The following XRN1 variants were observed in gnomAD, a reference collection of about 807,000 sequenced individuals.
The protein encoded by XRN1 is 5'-3' exoribonuclease 1, also known as strand-exchange protein 1 homolog.
XRN1 carries 67 observed loss-of-function variants against 222.3 expected under a neutral mutation model. The observed-to-expected ratio is 0.30, with a 90% CI of 0.25 to 0.37. The LOEUF (loss-of-function observed/expected upper bound fraction) is 0.37. Among genes scored for constraint, XRN1 ranks in the 10% least tolerant of loss-of-function variants. The pLI, the probability that XRN1 is intolerant of heterozygous loss-of-function variation, is 1.00. For missense variants in XRN1, 1,707 were observed against 2,000.2 expected, an observed-to-expected ratio of 0.85 and a Z score of 2.80; for synonymous variants, 643 against 652.4, an observed-to-expected ratio of 0.99 and a Z score of 0.22.
intron 20 of XRN1, among the ~76,000 whole-genome samples, chr3:142,390,438 A>C (rs2067672598): frequency 6.6e-6 from 1 of 152,196 alleles, no homozygotes; most frequent in Non-Finnish European, 1.5e-5. Flanking sequence ...CTCACACTTT[A>C]TATTATGAAG....
rs1396241489 is a variant in XRN1 at position 142,308,410 on chromosome 3, T to C, written c.*3101A>G. 1 of 152,206 alleles carries C rather than the reference T, an allele frequency of 6.6e-6. No homozygotes were observed. Among genetic ancestry groups the C allele is most frequent in the African/African-American group, 2.4e-5 (1 of 41,456 alleles). 9.4% of individuals were successfully genotyped at this position (152,206 alleles called of 1,614,324 possible). On this transcript the variant is annotated 3_prime_UTR_variant, in exon 41 of 41. Transcript: ENST00000392981. ...ACAATAAAAAAACTTGCATCAATAG[T>C]TCTTCATTCCTCCACCAATCGGGAA...
At position 142,324,429 on chromosome 3, in the gene XRN1, C is replaced by A. The variant is rs573854946; in HGVS notation, c.4404+5005G>T. Among the ~76,000 whole-genome samples, 417 of 152,142 alleles carry A rather than the reference C, an allele frequency of 2.7e-3. 1 individual carries two copies. The highest frequency in any genetic ancestry group is 4.7e-3 in the Non-Finnish European group (319 of 67,996). ...GTCCCTACAAAGGACATGAACTCAT[C>A]ATTTTTTATGGCTGCATAGTATTCC... On this transcript the variant is annotated intron_variant, in intron 37 of 40. Coordinates refer to ENST00000392981, the MANE Select transcript of XRN1 (RefSeq NM_001282857.2).
At chr3:142,410,178 T>C (rs941169335) in intron 15 of XRN1, among the ~76,000 whole-genome samples, 2 of 152,242 alleles carry the variant, frequency 1.3e-5, no homozygotes, top group African/African-American at 4.8e-5. Flanking sequence ...TCTTGTCCTA[T>C]TCTTGACTTT....
rs556424289 is a variant in XRN1, at chr3:142,417,324, T to C, written c.1347-95A>G. ...TGCTGATACAACATTTTACCTCAGA[T>C]GATTTATTTAATCAATGAATTAGCT... On this transcript the variant is annotated intron_variant, in intron 12 of 40. Coordinates refer to ENST00000392981, the MANE Select transcript of XRN1 (RefSeq NM_001282857.2). 3.2e-6 allele frequency: 3 copies of C among 950,180 alleles called. No homozygotes were observed. The East Asian group carries it at 7.9e-5, about 25-fold the overall frequency. 58.9% of individuals were successfully genotyped at this position (950,180 alleles called of 1,614,324 possible).
At chr3:142,346,698 C>G (rs1384540501) in intron 33 of XRN1, among the ~76,000 whole-genome samples, 2 of 152,244 alleles carry the variant, frequency 1.3e-5, no homozygotes, top group African/African-American at 4.8e-5. Context: ...CCAGGCTGGT[C>G]TTGAACTCCT....
Position 142,404,023 on chromosome 3 carries a change from TAATAC to T in XRN1, c.1884-39_1884-35del, listed in dbSNP as rs1421072789. On this transcript the variant is annotated intron_variant, in intron 16 of 40. Coordinates refer to ENST00000392981, the MANE Select transcript of XRN1 (RefSeq NM_001282857.2). ...TAAATCAAGGCATTTAATTTAAAAT[TAATAC>T]ATTACAAACAATTACAGTTTTTTAA... The T allele has an allele frequency of 3.0e-5, 45 of 1,491,854 alleles. No homozygotes were observed. The Admixed American group carries it at 7.7e-4, about 26-fold the overall frequency. The allele number at this position is 1,491,854 out of a possible 1,614,324, so 92.4% of individuals were successfully genotyped here.
At chr3:142,369,833 G>A (rs1372950289) in intron 27 of XRN1, among the ~76,000 whole-genome samples, 2 of 151,664 alleles carry the variant, frequency 1.3e-5, no homozygotes, top group Non-Finnish European at 2.9e-5. Flanking sequence ...ATCACCTGAG[G>A]TCAGGAGTTC....
At position 142,414,964 on chromosome 3, in the gene XRN1, T is replaced by C. The variant is rs527732875; in HGVS notation, c.1437-673A>G. Among the ~76,000 whole-genome samples the C allele has an allele frequency of 1.3e-5, 2 of 152,308 alleles. 1 individual carries two copies. Among genetic ancestry groups the C allele is most frequent in the South Asian group, 4.1e-4 (2 of 4,830 alleles). On this transcript the variant is annotated intron_variant, in intron 13 of 40. Coordinates refer to ENST00000392981, the MANE Select transcript of XRN1 (RefSeq NM_001282857.2). The stretch of plus-strand genomic sequence containing the variant: ...AATGAGGTAGTCAGAAGACTTTCAG[T>C]TTGGTCACTTGAGCCTGGATCATTT...
At chr3:142,352,289 G>C (rs1433708575) in intron 32 of XRN1, among the ~76,000 whole-genome samples, 1 of 152,214 alleles carries the variant, frequency 6.6e-6, no homozygotes, top group African/African-American at 2.4e-5. Context: ...ATACCCTGAA[G>C]CAGTGTGGTG....
Position 142,425,306 on chromosome 3 carries a change from G to T in XRN1, c.543C>A (p.Ile181=), listed in dbSNP as rs1211927470. ...HETPGEGEHK[I]MEFIRSEKAK... ...CTTTCTCGGATCTGATAAATTCCAT[G>T]ATTTTATGCTCTCCTTCTCCAGGAG... Residue 181 remains isoleucine, a synonymous_variant, in exon 5 of 41, where the codon ATC becomes ATA. Coordinates refer to ENST00000392981, the MANE Select transcript of XRN1 (RefSeq NM_001282857.2). 5.0e-6 allele frequency: 8 copies of T among 1,607,500 alleles called. No individual in the cohort carries two copies. The highest frequency in any genetic ancestry group is 6.8e-6 in the Non-Finnish European group (8 of 1,176,892).
At chr3:142,329,868 T>C (rs1188736491) in intron 36 of XRN1, among the ~76,000 whole-genome samples, 1 of 152,144 alleles carries the variant, frequency 6.6e-6, no homozygotes, top group Non-Finnish European at 1.5e-5. Flanking sequence ...GCCACGCACC[T>C]TATAAATTTG....
intron 34 of XRN1, among the ~76,000 whole-genome samples, chr3:142,333,586 A>C (rs916978049): frequency 6.6e-6 from 1 of 152,186 alleles, no homozygotes. Context: ...CAAAACACTT[A>C]TATGGTCTGC....
At chr3:142,393,426 C>A (rs2067811101) in intron 20 of XRN1, among the ~76,000 whole-genome samples, 1 of 144,284 alleles carries the variant, frequency 6.9e-6, no homozygotes, top group African/African-American at 2.6e-5. Context: ...ATGGTAATGC[C>A]TAGGTTTTCT....
At chr3:142,398,395 C>A (rs2068010870) in intron 19 of XRN1, among the ~76,000 whole-genome samples, 1 of 147,846 alleles carries the variant, frequency 6.8e-6, no homozygotes, top group Non-Finnish European at 1.5e-5. Flanking sequence ...GAGATGGGGT[C>A]TCATTCTGTC....
At chr3:142,425,648 T>G in intron 3 of XRN1, 110 bp from the exon 4 acceptor site, 1 of 833,216 alleles carries the variant, frequency 1.2e-6, no homozygotes, top group Non-Finnish European at 1.9e-6. Flanking sequence ...TAGGTAGGTA[T>G]AGGATCTCCA....
chr3:142,345,790 A>C (rs897509973), intron 33 of XRN1, among the ~76,000 whole-genome samples: 3 of 152,268 alleles, frequency 2.0e-5, no homozygotes, highest in Non-Finnish European at 2.9e-5. Flanking sequence ...AAAGATGCTC[A>C]ACATTATTAG....
At chr3:142,318,382 G>T (rs1386011236) in intron 39 of XRN1, among the ~76,000 whole-genome samples, 1 of 152,078 alleles carries the variant, frequency 6.6e-6, no homozygotes, top group African/African-American at 2.4e-5. Context: ...ATAAGGGCCT[G>T]CCCACTCAAC....
intron 18 of XRN1, among the ~76,000 whole-genome samples, chr3:142,402,219 G>C (rs560041058): frequency 6.6e-6 from 1 of 151,386 alleles, no homozygotes; most frequent in South Asian, 2.1e-4. Flanking sequence ...TTTCGCTCTT[G>C]TCACCCAGGC....
chr3:142,354,703 G>C (rs2066411794), intron 32 of XRN1, among the ~76,000 whole-genome samples: 1 of 152,034 alleles, frequency 6.6e-6, no homozygotes, highest in South Asian at 2.1e-4. Context: ...GCTAATTTTT[G>C]TATTTTCAGT....
Sources: gnomAD v4.1 joint callset for allele counts (sites outside exome capture counted in the v4.1 genomes callset) on GRCh38, gnomAD v4.1.1 for gene constraint, MANE v1.5 for transcripts, NCBI Gene and HGNC (gene_info 2026-07-23, HGNC 2026-07-21) for gene names.